MEX3D: variants seen among roughly 807,000 people sequenced by gnomAD.
MEX3D encodes the protein mex-3 RNA binding family member D.
MEX3D carries 4 observed loss-of-function variants against 6.3 expected under a neutral mutation model. The observed-to-expected ratio is 0.64, with a 90% CI of 0.31 to 1.46. The LOEUF (loss-of-function observed/expected upper bound fraction) is 1.46, where lower values mean the gene tolerates loss of function less well. MEX3D is among the 40% of genes most tolerant of loss of function. The probability of loss-of-function intolerance (pLI) is 0.07; values close to 1 mark genes in which losing one functional copy is unlikely to be tolerated. For missense variants in MEX3D, 1,038 were observed against 994.4 expected, an observed-to-expected ratio of 1.04 and a Z score of -0.59; for synonymous variants, 626 against 494.1, an observed-to-expected ratio of 1.27 and a Z score of -3.54.
chr19:1,567,323 G>A lies in MEX3D; in HGVS notation c.595+141C>T. 2.0e-6 allele frequency: 2 copies of A among 988,466 alleles called. No homozygotes were observed. The highest frequency in any genetic ancestry group is 2.7e-6 in the Non-Finnish European group (2 of 747,930). 61.2% of individuals were successfully genotyped at this position (988,466 alleles called of 1,614,324 possible). ...GCTGCAGGACAAAGGCGCAAAGGCAGCGGCCGAGGCCGGAGCCCACGCGGG... is the reference window on the plus strand; with the variant it reads ...GCTGCAGGACAAAGGCGCAAAGGCAACGGCCGAGGCCGGAGCCCACGCGGG... On this transcript the variant is annotated intron_variant, in intron 1 of 1. Transcript: ENST00000402693. This position sits in a 1 kb window ranked among gnomAD's most constrained non-coding sequence, Gnocchi z 6.5.
At chr19:1,561,316 G>T (rs1276957740) in intron 1 of MEX3D, among the ~76,000 whole-genome samples, 1 of 152,154 alleles carries the variant, frequency 6.6e-6, no homozygotes, top group African/African-American at 2.4e-5. Context: ...GAACCCCAGG[G>T]AGCCGCTGAG....
rs1048698593 is a variant in MEX3D at position 1,556,416 on chromosome 19, G to A, written c.1103C>T (p.Ala368Val). The A allele has an allele frequency of 3.2e-6, 5 of 1,583,618 alleles. No homozygotes were observed. The African/African-American group carries it at 4.1e-5, about 13-fold the overall frequency. ...GGTCTTGGCCCAGAGGCTGGCGGCC[G>A]CCCCGAGCAGGTCCAGGCAGACGTC... ...GTDVCLDLLGAAASLWAKTPN... is the reference protein window; with the variant it reads ...GTDVCLDLLGVAASLWAKTPN... Residue 368 changes from alanine to valine, a missense_variant, in exon 2 of 2, where the codon GCG (alanine) becomes GTG (valine). Ala to Val is a moderately conservative substitution (Grantham distance 64). Transcript: ENST00000402693. This position sits in a 1 kb window ranked among gnomAD's most constrained non-coding sequence, Gnocchi z 7.5.
In MEX3D at chr19:1,554,907, TA is replaced by T. The variant is rs1914466680; in HGVS notation, c.*655del. 1.9e-5 allele frequency: 1 copy of T among 52,534 alleles called. No homozygotes were observed. The highest frequency in any genetic ancestry group is 3.5e-5 in the Non-Finnish European group (1 of 28,334). 3.3% of individuals were successfully genotyped at this position (52,534 alleles called of 1,614,324 possible). ...CTACATATACACAAGAGGTAAAAAG[TA>T]AAAGTAAAAAAAAAAAAAAATTAAA... On this transcript the variant is annotated 3_prime_UTR_variant, in exon 2 of 2. Transcript: ENST00000402693.
intron 1 of MEX3D, among the ~76,000 whole-genome samples, chr19:1,560,730 G>A (rs1015055037): frequency 1.2e-4 from 18 of 152,302 alleles, no homozygotes; most frequent in Admixed American, 4.6e-4. Context: ...TAACCCAGAC[G>A]GTGGCGCTGG....
intron 1 of MEX3D, among the ~76,000 whole-genome samples, chr19:1,564,170 T>C (rs1292028915): frequency 6.6e-6 from 1 of 152,032 alleles, no homozygotes; most frequent in Non-Finnish European, 1.5e-5. Flanking sequence ...TGGGGCACAT[T>C]ATGGGCCTCA....
In MEX3D at chr19:1,555,222, T is replaced by C; in HGVS notation, c.*341A>G. ...TGAGCGCTGGAAAAGTCGTGTTTTTTGTTTTGCTTTTTTAAAGATCACCCT... is the reference window on the plus strand; with the variant it reads ...TGAGCGCTGGAAAAGTCGTGTTTTTCGTTTTGCTTTTTTAAAGATCACCCT... On this transcript the variant is annotated 3_prime_UTR_variant, in exon 2 of 2. Transcript: ENST00000402693. 4 of 1,159,296 alleles carry C rather than the reference T, an allele frequency of 3.5e-6. No homozygotes were observed. The highest frequency in any genetic ancestry group is 4.6e-6 in the Non-Finnish European group (4 of 866,122). The allele number at this position is 1,159,296 out of a possible 1,614,324, so 71.8% of individuals were successfully genotyped here.
rs988499849 is a variant in MEX3D, at chr19:1,567,266, G to C, written c.595+198C>G. ...CGGGGCCGGAGCGCGCAGGGGAGGA[G>C]CGCGGGCTGCGCCCAACTTTCTCCC... On this transcript the variant is annotated intron_variant, in intron 1 of 1. Transcript: ENST00000402693. The surrounding 1 kb of genome is among the most constrained non-coding windows in gnomAD (Gnocchi z 6.5). 7.3e-5 allele frequency among the ~76,000 whole-genome samples: 11 copies of C among 151,584 alleles called. No homozygotes were observed. Among genetic ancestry groups the C allele is most frequent in the Middle Eastern group, 3.2e-3 (1 of 308 alleles).
At chr19:1,559,955 T>G (rs1914677328) in intron 1 of MEX3D, among the ~76,000 whole-genome samples, 1 of 152,204 alleles carries the variant, frequency 6.6e-6, no homozygotes, top group Non-Finnish European at 1.5e-5. Flanking sequence ...CCCTCCATTC[T>G]TCTGTACAGT....
rs1914534955 is a variant in MEX3D at position 1,555,997 on chromosome 19, C to T, written c.1522G>A (p.Ala508Thr). 1 of 1,206,578 alleles carries T rather than the reference C, an allele frequency of 8.3e-7. No individual in the cohort carries two copies. The highest frequency in any genetic ancestry group is 1.0e-6 in the Non-Finnish European group (1 of 968,082). 74.7% of individuals were successfully genotyped at this position (1,206,578 alleles called of 1,614,324 possible). ...GTGGGCGAGTGGCGGGGGGTCCCGG[C>T]CCCACTGCTGCGCCGGGCGCCGGCG... ...PAAGARRSSG[A>T]GTPRHSPTLP... Residue 508 changes from alanine (A) to threonine (T), a missense_variant, in exon 2 of 2, where the codon GCC becomes ACC. Ala to Thr is a moderately conservative substitution (Grantham distance 58). Around this residue, in one of 5 missense-constraint regions of MEX3D, gnomAD observed 581 missense variants for 516.2 expected, o/e 1.13. Transcript: ENST00000402693.
chr19:1,555,702 C>A lies in MEX3D; in HGVS notation c.1817G>T (p.Gly606Val). The change falls in exon 2 of 2, where the codon GGC becomes GTC. Residue 606 changes from glycine to valine, a missense_variant. Gly to Val is a moderately radical substitution (Grantham distance 109, BLOSUM62 -3). This residue lies in a region of MEX3D where 581 missense variants were observed against 516.2 expected (regional missense o/e 1.13). Coordinates refer to ENST00000402693, the MANE Select transcript of MEX3D (RefSeq NM_203304.4). ...GGGGACCAGCGCAGCCATCACCTCGCCCTCGGCGCACACCACGCACTCTCG... is the reference window on the plus strand; with the variant it reads ...GGGGACCAGCGCAGCCATCACCTCGACCTCGGCGCACACCACGCACTCTCG... The part of the protein sequence containing the change: ...LARECVVCAE[G>V]EVMAALVPCG... The A allele has an allele frequency of 6.4e-7, 1 of 1,555,630 alleles. No individual in the cohort carries two copies. Among genetic ancestry groups the A allele is most frequent in the Non-Finnish European group, 8.7e-7 (1 of 1,155,820 alleles).
intron 1 of MEX3D, among the ~76,000 whole-genome samples, chr19:1,559,968 G>A (rs556825439): frequency 3.2e-4 from 49 of 152,278 alleles, no homozygotes; most frequent in African/African-American, 1.1e-3. Context: ...TGTACAGTCC[G>A]GTGTCCCCCT....
chr19:1,556,205 AC>A lies in MEX3D; in HGVS notation c.1313del (p.Gly438ValfsTer27). ...CGGCCGTCCCCACCGGGGCACCGGG[AC>A]CCTCCGCGCCGAAGGCGAAGCCCCC... ...GNGGFAFGAEGPGAPVGTAAP... is the reference protein window; with the variant it reads ...GNGGFAFGAEXPGAPVGTAAP... On this transcript the variant is annotated frameshift_variant, in exon 2 of 2. Coordinates refer to ENST00000402693, the MANE Select transcript of MEX3D (RefSeq NM_203304.4). LOFTEE classifies it low-confidence loss of function (END_TRUNC). The surrounding 1 kb of genome is among the most constrained non-coding windows in gnomAD (Gnocchi z 7.5). 6.9e-7 allele frequency: 1 copy of A among 1,441,526 alleles called. No homozygotes were observed. The highest frequency in any genetic ancestry group is 1.3e-5 in the South Asian group (1 of 79,156). The allele number at this position is 1,441,526 out of a possible 1,614,324, so 89.3% of individuals were successfully genotyped here.
At chr19:1,560,957 A>AGGGC (rs1451844390) in intron 1 of MEX3D, among the ~76,000 whole-genome samples, 1 of 152,232 alleles carries the variant, frequency 6.6e-6, no homozygotes, top group Non-Finnish European at 1.5e-5. Flanking sequence ...GGAAGCCTGA[A>AGGGC]GGGCGGGCTC....
intron 1 of MEX3D, among the ~76,000 whole-genome samples, chr19:1,561,148 A>T (rs1418785434): frequency 1.3e-5 from 2 of 152,148 alleles, no homozygotes; most frequent in East Asian, 3.9e-4. Context: ...GGCCCCACGC[A>T]GCACACACAC....
At position 1,567,734 on chromosome 19, in the gene MEX3D, C is replaced by T. The variant is rs1914883348; in HGVS notation, c.325G>A (p.Ala109Thr). ...PEPVPPDGPE[A>T]GAPPTLAPAV... is the part of the protein sequence containing the mutation. The stretch of plus-strand genomic sequence containing the variant: ...GGGGCCAGGGTCGGGGGCGCGCCGG[C>T]CTCAGGTCCGTCGGGGGGCACAGGC... Residue 109 changes from alanine (A) to threonine (T), a missense_variant, in exon 1 of 2, where the codon GCC becomes ACC. This residue lies in a region of MEX3D where 265 missense variants were observed against 206.3 expected (regional missense o/e 1.28). Coordinates refer to ENST00000402693, the MANE Select transcript of MEX3D (RefSeq NM_203304.4). The surrounding 1 kb of genome is among the most constrained non-coding windows in gnomAD (Gnocchi z 6.5). 15 of 990,942 alleles carry T rather than the reference C, an allele frequency of 1.5e-5. No homozygotes were observed. Among genetic ancestry groups the T allele is most frequent in the Non-Finnish European group, 1.8e-5 (15 of 826,124 alleles). 61.4% of individuals were successfully genotyped at this position (990,942 alleles called of 1,614,324 possible).
intron 1 of MEX3D, among the ~76,000 whole-genome samples, chr19:1,564,864 G>C (rs928675703): frequency 6.6e-6 from 1 of 152,154 alleles, no homozygotes; most frequent in Admixed American, 6.6e-5. Context: ...TAAAGGGGCA[G>C]GGCCGGGGCA....
chr19:1,555,077 G>C lies in MEX3D; in HGVS notation c.*486C>G, dbSNP rs1401205495. 5.3e-6 allele frequency: 1 copy of C among 187,422 alleles called. No homozygotes were observed. Among genetic ancestry groups the C allele is most frequent in the Non-Finnish European group, 1.0e-5 (1 of 98,638 alleles). 11.6% of individuals were successfully genotyped at this position (187,422 alleles called of 1,614,324 possible). On this transcript the variant is annotated 3_prime_UTR_variant, in exon 2 of 2. Transcript: ENST00000402693. ...CGGTTGATGTACAAAAGCATAAATG[G>C]TTAGCCCCAAAAAGGGAGTAAAAAT...
chr19:1,557,391 C>G (rs1363463036), intron 1 of MEX3D, among the ~76,000 whole-genome samples: 1 of 150,570 alleles, frequency 6.6e-6, no homozygotes, highest in Non-Finnish European at 1.5e-5. Flanking sequence ...ATGGTGAAAC[C>G]CTGTCTCTAC....
rs757402125 is a variant in MEX3D, at chr19:1,555,662, G to C, written c.1857C>G (p.Leu619=). The C allele has an allele frequency of 5.7e-6, 9 of 1,584,980 alleles. No homozygotes were observed. In the South Asian group the frequency reaches 8.0e-5, roughly 14 times the overall value. Residue 619 remains leucine, a synonymous_variant, in exon 2 of 2, where the codon CTC becomes CTG. Transcript: ENST00000402693. ...TGCGGACGGCGCAGTCCATGCAGAA[G>C]AGGTTGTGGCCGCAGGGGACCAGCG... ...MAALVPCGHN[L]FCMDCAVRIC...
Sources: allele counts gnomAD v4.1 joint callset (sites outside exome capture counted in the v4.1 genomes callset), GRCh38; gene constraint gnomAD v4.1.1; regional missense constraint gnomAD v4.1.1; non-coding constraint Gnocchi (gnomAD v3.1); transcripts MANE v1.5; gene names NCBI Gene and HGNC (gene_info 2026-07-23, HGNC 2026-07-21).